Variants in MPPED2 observed in about 807,000 individuals in gnomAD.
MPPED2 encodes the protein metallophosphoesterase domain containing 2.
MPPED2 carries 5 observed loss-of-function variants against 33.0 expected under a neutral mutation model. The observed-to-expected ratio is 0.15, with a 90% CI of 0.08 to 0.32. The LOEUF (loss-of-function observed/expected upper bound fraction) is 0.32. Ranked by LOEUF, MPPED2 falls within the 10% of genes least tolerant of loss-of-function variation. MPPED2 has a pLI of 1.00. For missense variants in MPPED2, 275 were observed against 372.1 expected, an observed-to-expected ratio of 0.74 and a Z score of 2.15; for synonymous variants, 136 against 141.9, an observed-to-expected ratio of 0.96 and a Z score of 0.29.
intron 4 of MPPED2, among the ~76,000 whole-genome samples, chr11:30,442,320 A>C (rs138294708): frequency 7.2e-5 from 11 of 152,310 alleles, no homozygotes; most frequent in Non-Finnish European, 1.0e-4. Flanking sequence ...AAAATCTGTG[A>C]ATGTTTGGAG....
Position 30,410,358 on chromosome 11 carries a change from T to C in MPPED2, c.*1110A>G. The C allele has an allele frequency of 4.1e-6, 4 of 985,798 alleles. No individual in the cohort carries two copies. The highest frequency in any genetic ancestry group is 9.4e-5 in the South Asian group (2 of 21,282). 61.1% of individuals were successfully genotyped at this position (985,798 alleles called of 1,614,324 possible). A position where few individuals can be genotyped will look rare whatever the true frequency, so the allele number is the denominator to read the frequency against. ...AAATAGAATAAAGCTCAACAGCATT[T>C]ACAATGGGAAAACAGAAATGACTAT... On this transcript the variant is annotated 3_prime_UTR_variant, in exon 7 of 7. Coordinates refer to ENST00000358117, the MANE Select transcript of MPPED2 (RefSeq NM_001584.3).
At chr11:30,458,008 C>T (rs189505817) in intron 4 of MPPED2, among the ~76,000 whole-genome samples, 258 of 152,304 alleles carry the variant, frequency 1.7e-3, no homozygotes, top group Non-Finnish European at 2.8e-3. Flanking sequence ...GCCCCACATA[C>T]GATAAGCAAT....
chr11:30,472,004 A>G (rs1025523949), intron 4 of MPPED2, among the ~76,000 whole-genome samples: 6 of 141,664 alleles, frequency 4.2e-5, no homozygotes, highest in African/African-American at 1.5e-4. Context: ...ATTCTTGTCA[A>G]TCCCAGCTAC....
At chr11:30,412,843 G>A (rs1948171087) in intron 6 of MPPED2, among the ~76,000 whole-genome samples, 1 of 152,204 alleles carries the variant, frequency 6.6e-6, no homozygotes, top group Non-Finnish European at 1.5e-5. Context: ...GGTAATTAAT[G>A]ATTTTTTTCA....
chr11:30,394,530 C>T (rs890145788), intron 6 of MPPED2, among the ~76,000 whole-genome samples: 5 of 152,028 alleles, frequency 3.3e-5, no homozygotes, highest in African/African-American at 4.8e-5. Flanking sequence ...CTAATAAGGT[C>T]GGAAATCTTT....
At chr11:30,452,883 G>T (rs1950123085) in intron 4 of MPPED2, among the ~76,000 whole-genome samples, 1 of 151,696 alleles carries the variant, frequency 6.6e-6, no homozygotes, top group East Asian at 1.9e-4. Context: ...GAGGGATCTG[G>T]GAAAAAAAAA....
intron 4 of MPPED2, among the ~76,000 whole-genome samples, chr11:30,485,471 A>ATTTACACATGTTACACATAAC: frequency 4.3e-4 from 65 of 151,756 alleles, no homozygotes; most frequent in South Asian, 8.3e-4. Flanking sequence ...CATGTGTAAC[A>ATTTACACATGTTACACATAAC]AGGTAAATAA....
At chr11:30,399,579 C>T (rs1947883277) in intron 6 of MPPED2, among the ~76,000 whole-genome samples, 1 of 152,058 alleles carries the variant, frequency 6.6e-6, no homozygotes, top group African/African-American at 2.4e-5. Context: ...TTATTTTATC[C>T]TTTTATGAAC....
At chr11:30,407,029 A>G (rs745529940), downstream of MPPED2, among the ~76,000 whole-genome samples, 49 of 152,330 alleles carry the variant, frequency 3.2e-4, no homozygotes, top group Non-Finnish European at 5.4e-4. Flanking sequence ...TCTGAGACAC[A>G]GCAAGTGTTT....
intron 3 of MPPED2, among the ~76,000 whole-genome samples, chr11:30,517,287 G>T (rs953626158): frequency 6.6e-6 from 1 of 152,116 alleles, no homozygotes; most frequent in Admixed American, 6.5e-5. Flanking sequence ...CTCTGTGCAA[G>T]ATTTCATTTT....
rs1340878516 is a variant in MPPED2 at position 30,414,124 on chromosome 11, G to A, written c.766+104C>T. On this transcript the variant is annotated intron_variant, in intron 6 of 6. Coordinates refer to ENST00000358117, the MANE Select transcript of MPPED2 (RefSeq NM_001584.3). ...AGACTTCATCTTATAAAAGGGTCCC[G>A]CTGCTAAAAAGTTTGAAAACAACTA... 47 of 730,012 alleles carry A rather than the reference G, an allele frequency of 6.4e-5. 1 individual carries two copies. The highest frequency in any genetic ancestry group is 4.2e-4 in the South Asian group (27 of 63,612). The allele number at this position is 730,012 out of a possible 1,614,324, so 45.2% of individuals were successfully genotyped here.
At chr11:30,446,657 G>A (rs1949822734) in intron 4 of MPPED2, among the ~76,000 whole-genome samples, 1 of 152,082 alleles carries the variant, frequency 6.6e-6, no homozygotes, top group African/African-American at 2.4e-5. Context: ...AGAGCTCCTT[G>A]TATATTTCAA....
At chr11:30,496,688 G>A (rs904590881) in intron 3 of MPPED2, among the ~76,000 whole-genome samples, 1 of 119,952 alleles carries the variant, frequency 8.3e-6, no homozygotes, top group Non-Finnish European at 1.8e-5. Flanking sequence ...AGGAAACTTA[G>A]TGGGGAAGAG....
chr11:30,432,415 C>T (rs1342495612), intron 4 of MPPED2, among the ~76,000 whole-genome samples: 1 of 150,000 alleles, frequency 6.7e-6, no homozygotes, highest in Admixed American at 6.6e-5. Context: ...GAGGTGTCTG[C>T]TAAAAATAAA....
At chr11:30,387,305 A>C (rs1947715268) in exon 7 of MPPED2, 2 of 152,448 alleles carry the variant, frequency 1.3e-5, no homozygotes, top group African/African-American at 2.4e-5. Flanking sequence ...GCTTGTCAGA[A>C]TCTTTGAAAA....
chr11:30,580,366 T>C lies in MPPED2; in HGVS notation c.8A>G (p.His3Arg). 1.2e-6 allele frequency: 2 copies of C among 1,614,148 alleles called. No individual in the cohort carries two copies. Among genetic ancestry groups the C allele is most frequent in the Non-Finnish European group, 1.7e-6 (2 of 1,180,012 alleles). The change falls in exon 2 of 7, where the codon CAT becomes CGT. Residue 3 changes from histidine (H) to arginine (R), a missense_variant. By Grantham distance (29) the His-to-Arg change is conservative (BLOSUM62 0). Transcript: ENST00000358117. Reference sequence around the variant, plus strand: ...AACTTTGCCTTGAGAAGGAATCCCATGTGCCATCCTTCCTCCCTATAGGCA... The same window carrying C: ...AACTTTGCCTTGAGAAGGAATCCCACGTGCCATCCTTCCTCCCTATAGGCA... MA[H>R]GIPSQGKVTI...
chr11:30,504,610 C>G, intron 3 of MPPED2: 1 of 416,984 alleles, frequency 2.4e-6, no homozygotes, highest in South Asian at 1.9e-5. Flanking sequence ...TTTGCACTCA[C>G]TTGACTCAGC....
At chr11:30,420,189 C>T (rs1216659686) in intron 4 of MPPED2, among the ~76,000 whole-genome samples, 2 of 151,988 alleles carry the variant, frequency 1.3e-5, no homozygotes, top group Non-Finnish European at 2.9e-5. Context: ...CAGTGTAACC[C>T]CAAGGGTCCC....
intron 2 of MPPED2, among the ~76,000 whole-genome samples, chr11:30,573,622 G>A (rs1030222282): frequency 2.0e-5 from 3 of 152,110 alleles, no homozygotes; most frequent in African/African-American, 7.2e-5. Context: ...CTGACCCTAT[G>A]TAGGCCTAGG....
Sources: gnomAD v4.1 joint callset for allele counts (sites outside exome capture counted in the v4.1 genomes callset) on GRCh38, gnomAD v4.1.1 for gene constraint, MANE v1.5 for transcripts, NCBI Gene and HGNC (gene_info 2026-07-23, HGNC 2026-07-21) for gene names.